TBC1D5: variants seen among roughly 807,000 people sequenced by gnomAD.
TBC1D5 encodes TBC1 domain family, member 5.
Under a neutral mutation model 100.3 loss-of-function variants are expected in TBC1D5, and 75 were observed. That is an observed-to-expected ratio of 0.75 (90% CI 0.62 to 0.91). The LOEUF (loss-of-function observed/expected upper bound fraction) is 0.91. Among genes scored for constraint, TBC1D5 ranks in the 40% least tolerant of loss-of-function variants. The pLI, the probability that TBC1D5 is intolerant of heterozygous loss-of-function variation, is 0.00. For missense variants in TBC1D5, 910 were observed against 942.4 expected, an observed-to-expected ratio of 0.97 and a Z score of 0.45; for synonymous variants, 323 against 325.6, an observed-to-expected ratio of 0.99 and a Z score of 0.09.
intron 15 of TBC1D5, among the ~76,000 whole-genome samples, chr3:17,267,777 C>A (rs1421252279): frequency 1.3e-5 from 2 of 152,076 alleles, no homozygotes; most frequent in Non-Finnish European, 2.9e-5. Context: ...GCAACAAAAA[C>A]CAAGGTCCTG....
intron 2 of TBC1D5, among the ~76,000 whole-genome samples, chr3:17,516,539 C>G (rs753970197): frequency 2.1e-4 from 32 of 152,102 alleles, no homozygotes; most frequent in South Asian, 1.2e-3. Context: ...ATTAAGCAAT[C>G]CTTGATACAT....
At chr3:17,426,576 T>C (rs1004795505) in intron 4 of TBC1D5, among the ~76,000 whole-genome samples, 3 of 152,058 alleles carry the variant, frequency 2.0e-5, no homozygotes, top group African/African-American at 7.2e-5. Flanking sequence ...TTTTAATCAA[T>C]GCCTGCCATT....
intron 2 of TBC1D5, among the ~76,000 whole-genome samples, chr3:17,601,654 T>C (rs553305615): frequency 3.9e-5 from 6 of 152,304 alleles, no homozygotes; most frequent in African/African-American, 1.4e-4. Context: ...GAAGATATCC[T>C]AGACTCCACT....
At chr3:17,570,126 T>G (rs781202067) in intron 2 of TBC1D5, among the ~76,000 whole-genome samples, 2 of 152,002 alleles carry the variant, frequency 1.3e-5, no homozygotes, top group African/African-American at 2.4e-5. Context: ...ATACAGACTC[T>G]GTAAGTGGAG....
chr3:17,208,059 T>C (rs886479708), intron 18 of TBC1D5, among the ~76,000 whole-genome samples: 1 of 152,208 alleles, frequency 6.6e-6, no homozygotes, highest in African/African-American at 2.4e-5. Flanking sequence ...TTTGAGGATA[T>C]GGAATATCGC....
At chr3:17,396,709 C>T (rs1428143713) in intron 8 of TBC1D5, among the ~76,000 whole-genome samples, 2 of 151,666 alleles carry the variant, frequency 1.3e-5, no homozygotes, top group African/African-American at 2.4e-5. Flanking sequence ...CTACATTTGA[C>T]CAAAAATTCA....
Position 17,471,906 on chromosome 3 carries a change from C to T in TBC1D5, c.97+36568G>A, listed in dbSNP as rs117411515. 1.7e-4 allele frequency among the ~76,000 whole-genome samples: 26 copies of T among 152,164 alleles called. No individual in the cohort carries two copies. The East Asian group carries it at 3.9e-3, about 23-fold the overall frequency. On this transcript the variant is annotated intron_variant, in intron 3 of 21. Coordinates refer to ENST00000253692, the Ensembl canonical transcript of TBC1D5. ...TAAAATGCACTGAATTACACATTTG[C>T]TGTGGGAGGCGGTCAGAACATGAGC...
intron 3 of TBC1D5, among the ~76,000 whole-genome samples, 157 bp from the exon 4 acceptor site, chr3:17,428,676 A>G (rs1223522385): frequency 6.6e-6 from 1 of 151,954 alleles, no homozygotes; most frequent in Non-Finnish European, 1.5e-5. Flanking sequence ...TTTAGGTAGA[A>G]AACTCATTTT....
At chr3:17,321,113 G>A (rs1169755699) in intron 13 of TBC1D5, among the ~76,000 whole-genome samples, 1 of 152,298 alleles carries the variant, frequency 6.6e-6, no homozygotes, top group East Asian at 1.9e-4. Flanking sequence ...TGTTGTCCAG[G>A]CTGGAGTGCA....
At chr3:17,644,770 T>C (rs1344634209) in intron 1 of TBC1D5, among the ~76,000 whole-genome samples, 1 of 152,142 alleles carries the variant, frequency 6.6e-6, no homozygotes, top group Non-Finnish European at 1.5e-5. Context: ...ATTTTCATAA[T>C]GGATATTTGG....
chr3:17,221,890 AAC>A (rs2074332950), intron 17 of TBC1D5, among the ~76,000 whole-genome samples: 1 of 152,166 alleles, frequency 6.6e-6, no homozygotes, highest in African/African-American at 2.4e-5. Flanking sequence ...AGCAAGAGAA[AAC>A]TTCTCTACAT....
At chr3:17,563,753 T>G (rs2096574314) in intron 2 of TBC1D5, among the ~76,000 whole-genome samples, 1 of 152,056 alleles carries the variant, frequency 6.6e-6, no homozygotes, top group Non-Finnish European at 1.5e-5. Context: ...ACTGGTGGTT[T>G]GTTGTTGTTG....
intron 2 of TBC1D5, among the ~76,000 whole-genome samples, chr3:17,538,282 G>A (rs1293490626): frequency 1.3e-5 from 2 of 152,090 alleles, no homozygotes; most frequent in African/African-American, 2.4e-5. Flanking sequence ...AAAACACTCG[G>A]TGCTGGTGTT....
At chr3:17,191,711 C>A (rs1168530160) in intron 18 of TBC1D5, among the ~76,000 whole-genome samples, 2 of 151,794 alleles carry the variant, frequency 1.3e-5, no homozygotes, top group Non-Finnish European at 2.9e-5. Flanking sequence ...CTGCCTCCCA[C>A]GTTCAGGCGA....
intron 4 of TBC1D5, among the ~76,000 whole-genome samples, chr3:17,420,420 T>C (rs1230815152): frequency 6.6e-6 from 1 of 152,124 alleles, no homozygotes; most frequent in Non-Finnish European, 1.5e-5. Flanking sequence ...TTGAGTCAAA[T>C]TGTTTATGAA....
intron 1 of TBC1D5, among the ~76,000 whole-genome samples, chr3:17,642,027 TAA>T (rs1280064163): frequency 4.6e-5 from 7 of 152,280 alleles, no homozygotes; most frequent in Non-Finnish European, 7.4e-5. Flanking sequence ...AATTATTGAG[TAA>T]GACCTAAATT....
intron 1 of TBC1D5, among the ~76,000 whole-genome samples, chr3:17,625,787 G>T (rs1481705228): frequency 2.6e-5 from 4 of 151,702 alleles, no homozygotes; most frequent in African/African-American, 9.7e-5. Context: ...AAAAAATAAT[G>T]TATCTATGCA....
At chr3:17,434,532 C>G (rs1575913834) in intron 3 of TBC1D5, among the ~76,000 whole-genome samples, 1 of 152,260 alleles carries the variant, frequency 6.6e-6, no homozygotes, top group East Asian at 1.9e-4. Flanking sequence ...ATCACTGTAC[C>G]CCCTCCCAAA....
chr3:17,730,332 C>T lies in TBC1D5; in HGVS notation c.-101+9011G>A, dbSNP rs565489992. Among the ~76,000 whole-genome samples the T allele has an allele frequency of 2.1e-3, 318 of 152,286 alleles. 2 individuals are homozygous for T. Among genetic ancestry groups the T allele is most frequent in the Middle Eastern group, 6.8e-3 (2 of 294 alleles). On this transcript the variant is annotated intron_variant, in intron 1 of 21. Transcript: ENST00000253692. ...TCTGGGCTGACTCTGTCTTCTTAGC[C>T]AACAAAATACAGCAGAAGTAATGCT...
Sources: gnomAD v4.1 joint callset for allele counts (sites outside exome capture counted in the v4.1 genomes callset) on GRCh38, gnomAD v4.1.1 for gene constraint, MANE v1.5 for transcripts, NCBI Gene and HGNC (gene_info 2026-07-23, HGNC 2026-07-21) for gene names.